Variants in PPP4R1 observed in about 807,000 individuals in gnomAD.
The protein encoded by PPP4R1 is serine/threonine-protein phosphatase 4 regulatory subunit 1.
A neutral mutation model predicts 111.2 loss-of-function variants in PPP4R1; 42 were observed. The ratio of observed to expected loss-of-function variants is 0.38; its 90% CI spans 0.29 to 0.49. The LOEUF is 0.49. PPP4R1 is among the 20% of genes least tolerant of loss of function. The pLI is 0.97. For synonymous variants in PPP4R1, 409 were observed against 405.5 expected (o/e 1.01, Z -0.10); for missense variants, 1,012 against 1,161.6 (o/e 0.87, Z 1.87).
intron 19 of PPP4R1, among the ~76,000 whole-genome samples, chr18:9,548,291 A>G (rs2066431086): frequency 6.6e-6 from 1 of 152,000 alleles, no homozygotes; most frequent in Admixed American, 6.6e-5. Context: ...ACAAAAAAAA[A>G]AAAAGGAGAA....
At chr18:9,616,482 C>G (rs1026674525), upstream of PPP4R1, among the ~76,000 whole-genome samples, 2 of 152,092 alleles carry the variant, frequency 1.3e-5, no homozygotes, top group Non-Finnish European at 2.9e-5. Flanking sequence ...CTGTGTTGCC[C>G]AGGTGGGTCT....
intron 6 of PPP4R1, among the ~76,000 whole-genome samples, chr18:9,586,760 A>G (rs34277269): frequency 0.04 from 6,065 of 152,276 alleles, 187 homozygotes; most frequent in Admixed American, 0.093. Context: ...ATCCAAATAG[A>G]TATGAATAAA....
chr18:9,613,005 A>T (rs937383451), intron 2 of PPP4R1, among the ~76,000 whole-genome samples: 3 of 152,242 alleles, frequency 2.0e-5, no homozygotes, highest in Non-Finnish European at 4.4e-5. Flanking sequence ...TGAGTAAGGG[A>T]ACCACATTAG....
At chr18:9,558,950 A>T (rs2145033285) in intron 14 of PPP4R1, among the ~76,000 whole-genome samples, 1 of 152,238 alleles carries the variant, frequency 6.6e-6, no homozygotes, top group African/African-American at 2.4e-5. Context: ...AGAACCACGG[A>T]ACTTCTCCTG....
At chr18:9,581,374 G>C (rs1422757824) in intron 9 of PPP4R1, among the ~76,000 whole-genome samples, 1 of 152,064 alleles carries the variant, frequency 6.6e-6, no homozygotes, top group Non-Finnish European at 1.5e-5. Flanking sequence ...CATCAATAAA[G>C]AGAAATTACA....
At position 9,570,309 on chromosome 18, in the gene PPP4R1, T is replaced by C; in HGVS notation, c.1421A>G (p.Gln474Arg). Residue 474 changes from glutamine (Q) to arginine (R), a missense_variant, in exon 11 of 20, where the codon CAG becomes CGG. Transcript: ENST00000400556. The stretch of plus-strand genomic sequence containing the variant: ...TGGGCTGGGTTTTCCCCCAGAGTTC[T>C]GTTCAAGCTCTATGTCTAGATCTAT... ...PEIDLDIELE[Q>R]NSGGKPSPEG... 6.2e-7 allele frequency: 1 copy of C among 1,612,340 alleles called. No homozygotes were observed. The highest frequency in any genetic ancestry group is 8.5e-7 in the Non-Finnish European group (1 of 1,179,258).
At chr18:9,582,942 T>C (rs549478719) in intron 9 of PPP4R1, among the ~76,000 whole-genome samples, 175 bp downstream of exon 9, 1 of 152,344 alleles carries the variant, frequency 6.6e-6, no homozygotes, top group Non-Finnish European at 1.5e-5. Flanking sequence ...ATTTTTGTCC[T>C]GTTACAAAAA....
chr18:9,602,769 T>G (rs1318873518), intron 2 of PPP4R1, among the ~76,000 whole-genome samples: 2 of 145,952 alleles, frequency 1.4e-5, no homozygotes, highest in African/African-American at 5.2e-5. Context: ...TGCAGCGAGC[T>G]GAAATCGCGC....
At chr18:9,564,134 C>T (rs1284440218) in intron 11 of PPP4R1, among the ~76,000 whole-genome samples, 1 of 152,158 alleles carries the variant, frequency 6.6e-6, no homozygotes, top group Non-Finnish European at 1.5e-5. Context: ...GGACAACTTA[C>T]CAGGCAGTGG....
rs201722562 is a variant in PPP4R1, at chr18:9,557,211, T to G, written c.2190+10A>C. The G allele has an allele frequency of 6.1e-5, 95 of 1,562,910 alleles. No homozygotes were observed. The highest frequency in any genetic ancestry group is 6.2e-5 in the Non-Finnish European group (72 of 1,161,036). On this transcript the variant is annotated intron_variant, in intron 15 of 19. Coordinates refer to ENST00000400556, the MANE Select transcript of PPP4R1 (RefSeq NM_001042388.3). ...TGTTGTGTTTTTATGCAAAAAAATT[T>G]AAAAGTTACCTTCAGAAAATCATGC...
At chr18:9,595,478 C>A (rs187578283) in intron 2 of PPP4R1, among the ~76,000 whole-genome samples, 8 of 152,228 alleles carry the variant, frequency 5.3e-5, no homozygotes, top group Admixed American at 3.9e-4. Context: ...TGAATAGGCA[C>A]ACAAAAAGTC....
At chr18:9,598,558 G>A (rs1568123597) in intron 2 of PPP4R1, among the ~76,000 whole-genome samples, 1 of 150,116 alleles carries the variant, frequency 6.7e-6, no homozygotes, top group African/African-American at 2.5e-5. Flanking sequence ...TAAGAAACAA[G>A]ACATCTTTCA....
At position 9,553,800 on chromosome 18, in the gene PPP4R1, C is replaced by T. The variant is rs546443703; in HGVS notation, c.2191-378G>A. Among the ~76,000 whole-genome samples, 59 of 152,312 alleles carry T rather than the reference C, an allele frequency of 3.9e-4. 1 individual carries two copies. Among genetic ancestry groups the T allele is most frequent in the African/African-American group, 1.3e-3 (55 of 41,554 alleles). On this transcript the variant is annotated intron_variant, in intron 15 of 19. Coordinates refer to ENST00000400556, the MANE Select transcript of PPP4R1 (RefSeq NM_001042388.3). ...CCACGTGTGTAAGCCCTGCGTGTGA[C>T]GCTGTGACAGCACAGAGTAGGCATT... is the stretch of plus-strand genomic sequence containing the variant.
At position 9,547,034 on chromosome 18, in the gene PPP4R1, T is replaced by C. The variant is rs1254294128; in HGVS notation, c.*755A>G. On this transcript the variant is annotated 3_prime_UTR_variant, in exon 20 of 20. Coordinates refer to ENST00000400556, the MANE Select transcript of PPP4R1 (RefSeq NM_001042388.3). ...CAGGTATGTACAGTATGTGAAGAAGTTGCACCTCAGAGCTGATCATGATCA... is the reference window on the plus strand; with the variant it reads ...CAGGTATGTACAGTATGTGAAGAAGCTGCACCTCAGAGCTGATCATGATCA... 6.6e-6 allele frequency: 1 copy of C among 152,656 alleles called. No homozygotes were observed. Among genetic ancestry groups the C allele is most frequent in the East Asian group, 1.9e-4 (1 of 5,184 alleles). The allele number at this position is 152,656 out of a possible 1,614,324, so 9.5% of individuals were successfully genotyped here.
chr18:9,611,577 CT>C (rs750834186), intron 2 of PPP4R1, among the ~76,000 whole-genome samples: 16 of 152,196 alleles, frequency 1.1e-4, no homozygotes, highest in Non-Finnish European at 1.9e-4. Flanking sequence ...AAGGTATCAC[CT>C]GTAAAAACTT....
At chr18:9,571,035 A>T (rs12962253) in intron 10 of PPP4R1, among the ~76,000 whole-genome samples, 34,169 of 152,118 alleles carry the variant, frequency 0.22, 4,173 homozygotes, top group Non-Finnish European at 0.26. Context: ...TCATTTTAAG[A>T]TACATAACAA....
intron 9 of PPP4R1, among the ~76,000 whole-genome samples, chr18:9,580,941 T>C (rs1201000874): frequency 6.6e-6 from 1 of 152,192 alleles, no homozygotes; most frequent in African/African-American, 2.4e-5. Flanking sequence ...AACCTCAGGC[T>C]GCTGCCCTTC....
rs1007798616 is a variant in PPP4R1, at chr18:9,559,623, C to A, written c.1843-19G>T. ...CAACATCCTAATGGAGAAAGAGAAACCACAGTGACTGAGCAGCTGAGATGC... is the reference window on the plus strand; with the variant it reads ...CAACATCCTAATGGAGAAAGAGAAAACACAGTGACTGAGCAGCTGAGATGC... On this transcript the variant is annotated intron_variant, in intron 13 of 19. Transcript: ENST00000400556. 2 of 1,537,396 alleles carry A rather than the reference C, an allele frequency of 1.3e-6. No homozygotes were observed. The highest frequency in any genetic ancestry group is 1.8e-6 in the Non-Finnish European group (2 of 1,132,938).
chr18:9,548,062 C>T (rs916250757), intron 19 of PPP4R1, 110 bp from the exon 20 acceptor site: 2 of 1,097,878 alleles, frequency 1.8e-6, no homozygotes, highest in African/African-American at 3.1e-5. Context: ...CAAGTACAAA[C>T]AAGCCACACT....
Sources: allele counts gnomAD v4.1 joint callset (sites outside exome capture counted in the v4.1 genomes callset), GRCh38; gene constraint gnomAD v4.1.1; transcripts MANE v1.5; gene names NCBI Gene and HGNC (gene_info 2026-07-23, HGNC 2026-07-21).